SRFBP1: variants seen among roughly 807,000 people sequenced by gnomAD.
SRFBP1 encodes the protein serum response factor binding protein 1, also known as serum response factor-binding protein 1.
In SRFBP1, 47 loss-of-function variants were observed where a neutral mutation model predicts 45.5. The ratio of observed to expected loss-of-function variants is 1.03; its 90% confidence interval spans 0.82 to 1.32. The LOEUF (loss-of-function observed/expected upper bound fraction) is 1.32. Ranked by LOEUF, SRFBP1 falls within the 40% of genes most tolerant of loss-of-function variation. SRFBP1 has a pLI of 0.00. For synonymous variants in SRFBP1, 203 were observed against 166.3 expected, an observed-to-expected ratio of 1.22 and a Z score of -1.70; for missense variants, 621 against 484.6, an observed-to-expected ratio of 1.28 and a Z score of -2.64.
chr5:121,993,760 T>C (rs1420151910), intron 3 of SRFBP1, among the ~76,000 whole-genome samples: 12 of 152,276 alleles, frequency 7.9e-5, no homozygotes, highest in Admixed American at 1.3e-4. Context: ...CATTTTCTTA[T>C]TGTTAGACTG....
chr5:121,966,001 G>A (rs1752056238), intron 1 of SRFBP1, among the ~76,000 whole-genome samples: 1 of 152,140 alleles, frequency 6.6e-6, no homozygotes, highest in Non-Finnish European at 1.5e-5. Context: ...TATTATTGGT[G>A]TATGGGAATG....
At chr5:122,013,488 A>G (rs1753135629) in intron 4 of SRFBP1, among the ~76,000 whole-genome samples, 1 of 152,138 alleles carries the variant, frequency 6.6e-6, no homozygotes, top group Admixed American at 6.5e-5. Context: ...TTTCTCACCC[A>G]GAAAATTTTC....
intron 2 of SRFBP1, chr5:122,065,757 T>G (rs1209331752): frequency 6.6e-6 from 1 of 152,096 alleles, no homozygotes; most frequent in Non-Finnish European, 1.5e-5. Context: ...GTTTTTCAAT[T>G]TTTTTAAGCT....
chr5:122,023,388 A>G (rs1402539970), intron 7 of SRFBP1, among the ~76,000 whole-genome samples: 1 of 152,168 alleles, frequency 6.6e-6, no homozygotes, highest in African/African-American at 2.4e-5. Flanking sequence ...TTTTCCATCA[A>G]ATCTCATGGA....
chr5:122,061,224 A>G (rs1029359186), intron 2 of SRFBP1, among the ~76,000 whole-genome samples: 1 of 151,750 alleles, frequency 6.6e-6, no homozygotes, highest in Admixed American at 6.6e-5. Context: ...TTTTTCAAAC[A>G]AACGATCTCT....
downstream of SRFBP1, chr5:122,077,362 G>A (rs1371527381): frequency 6.2e-7 from 1 of 1,613,714 alleles, no homozygotes; most frequent in Non-Finnish European, 8.5e-7. This position sits in a 1 kb window ranked among gnomAD's most constrained non-coding sequence, Gnocchi z 4.9. Flanking sequence ...TACCGTACTG[G>A]AAGTAGCCAG....
At chr5:122,068,797 T>G (rs571099234) in intron 2 of SRFBP1, among the ~76,000 whole-genome samples, 1 of 152,030 alleles carries the variant, frequency 6.6e-6, no homozygotes, top group Non-Finnish European at 1.5e-5. Flanking sequence ...CAACAAACAG[T>G]ACAAAAATGA....
chr5:121,969,631 A>C lies in SRFBP1; in HGVS notation c.37-4565A>C, dbSNP rs377267424. The stretch of plus-strand genomic sequence containing the variant: ...TAACTTTAAAGGCTTCTGTATGTCT[A>C]ATTTCTAGGCGATACTTCACTGTCA... On this transcript the variant is annotated intron_variant, in intron 1 of 7. Transcript: ENST00000339397. 1.5e-4 allele frequency among the ~76,000 whole-genome samples: 23 copies of C among 152,112 alleles called. No homozygotes were observed. In the East Asian group the frequency reaches 4.3e-3, roughly 28 times the overall value.
intron 2 of SRFBP1, chr5:122,074,320 G>T (rs1235966355): frequency 1.3e-5 from 8 of 619,074 alleles, no homozygotes; most frequent in African/African-American, 3.7e-5. Flanking sequence ...TCATGCTAGG[G>T]TTTTTTTTTC....
At chr5:122,053,126 A>G (rs750663699) in intron 2 of SRFBP1, among the ~76,000 whole-genome samples, 7 of 152,116 alleles carry the variant, frequency 4.6e-5, no homozygotes, top group Non-Finnish European at 7.3e-5. Context: ...GTCCTTGCCC[A>G]GTCAGCCCTC....
At chr5:122,000,236 T>C (rs1301894441) in intron 4 of SRFBP1, among the ~76,000 whole-genome samples, 1 of 152,128 alleles carries the variant, frequency 6.6e-6, no homozygotes, top group Non-Finnish European at 1.5e-5. Context: ...ATGCCTTCTA[T>C]TGTGCCATTG....
chr5:121,991,347 C>T (rs1752616557), intron 3 of SRFBP1, among the ~76,000 whole-genome samples: 1 of 152,054 alleles, frequency 6.6e-6, no homozygotes, highest in Non-Finnish European at 1.5e-5. Context: ...TTAAAATTCT[C>T]CCTTAAAAAA....
Position 122,004,423 on chromosome 5 carries a change from T to C in SRFBP1, c.270+9753T>C, listed in dbSNP as rs552460864. 9.2e-5 allele frequency among the ~76,000 whole-genome samples: 14 copies of C among 152,282 alleles called. No individual in the cohort carries two copies. The South Asian group carries it at 2.7e-3, about 29-fold the overall frequency. Reference sequence around the variant, plus strand: ...ATGTTCTTGGCAGCTTTGATGAAAATCAGTTGGCCATAAATGCGTGGATTT... The same window carrying C: ...ATGTTCTTGGCAGCTTTGATGAAAACCAGTTGGCCATAAATGCGTGGATTT... On this transcript the variant is annotated intron_variant, in intron 4 of 7. Coordinates refer to ENST00000339397, the MANE Select transcript of SRFBP1 (RefSeq NM_152546.3).
In SRFBP1 at chr5:121,974,220, A is replaced by G. The variant is rs766710185; in HGVS notation, c.61A>G (p.Lys21Glu). 1 of 1,611,356 alleles carries G rather than the reference A, an allele frequency of 6.2e-7. No individual in the cohort carries two copies. Among genetic ancestry groups the G allele is most frequent in the Non-Finnish European group, 8.5e-7 (1 of 1,178,100 alleles). The change falls in exon 2 of 8, where the codon AAG (lysine) becomes GAG (glutamate). Residue 21 changes from lysine (K) to glutamate (E), a missense_variant. Physicochemically the swap from Lys to Glu is moderately conservative, Grantham distance 56. Transcript: ENST00000339397. Reference protein sequence around the residue: ...NEVVKMRKEVKRIRVLVIRKL... With the variant: ...NEVVKMRKEVERIRVLVIRKL... ...GGTTGTGAAGATGAGAAAAGAAGTG[A>G]AGAGAATTCGAGTTTTAGTTATCCG...
chr5:122,072,269 G>A (rs1466812116), intron 2 of SRFBP1, among the ~76,000 whole-genome samples: 2 of 152,120 alleles, frequency 1.3e-5, no homozygotes, highest in Admixed American at 6.6e-5. Flanking sequence ...TTAAGTATAA[G>A]CTTTGATTAT....
intron 3 of SRFBP1, among the ~76,000 whole-genome samples, chr5:121,983,003 C>T (rs912802228): frequency 3.3e-5 from 5 of 151,622 alleles, no homozygotes; most frequent in African/African-American, 1.2e-4. Context: ...ATCATAATTC[C>T]AGTCTGAAAT....
chr5:122,045,198 T>G (rs1753836317), intron 2 of SRFBP1, among the ~76,000 whole-genome samples: 1 of 152,184 alleles, frequency 6.6e-6, no homozygotes, highest in Non-Finnish European at 1.5e-5. Context: ...AGACTCTTTA[T>G]TCTGTTTTGG....
chr5:121,965,609 G>A (rs1312919308), intron 1 of SRFBP1, among the ~76,000 whole-genome samples: 1 of 152,184 alleles, frequency 6.6e-6, no homozygotes, highest in African/African-American at 2.4e-5. Flanking sequence ...ATTATAGTTT[G>A]AAGTCAGGTA....
At chr5:122,009,257 T>G (rs1753040443) in intron 4 of SRFBP1, among the ~76,000 whole-genome samples, 1 of 152,214 alleles carries the variant, frequency 6.6e-6, no homozygotes, top group Non-Finnish European at 1.5e-5. Context: ...CTTAATGATT[T>G]ATACGAGTTC....
Sources: allele counts gnomAD v4.1 joint callset (sites outside exome capture counted in the v4.1 genomes callset), GRCh38; gene constraint gnomAD v4.1.1; non-coding constraint Gnocchi (gnomAD v3.1); transcripts MANE v1.5; gene names NCBI Gene and HGNC (gene_info 2026-07-23, HGNC 2026-07-21).